The following CERKL variants were observed in gnomAD, a reference collection of about 807,000 sequenced individuals.
The protein encoded by CERKL is ceramide kinase-like protein.
CERKL carries 61 observed loss-of-function variants against 63.4 expected under a neutral mutation model. The ratio of observed to expected loss-of-function variants is 0.96; its 90% confidence interval spans 0.78 to 1.19. CERKL has a LOEUF of 1.19. CERKL is among the 50% of genes most tolerant of loss of function. The probability of loss-of-function intolerance (pLI) is 0.00; values close to 1 mark genes in which losing one functional copy is unlikely to be tolerated. For missense variants in CERKL, 675 were observed against 655.5 expected (o/e 1.03, Z -0.33); for synonymous variants, 250 against 230.5 (o/e 1.08, Z -0.77).
At chr2:181,636,459 T>C (rs1687183416) in intron 1 of CERKL, among the ~76,000 whole-genome samples, 1 of 150,078 alleles carries the variant, frequency 6.7e-6, no homozygotes, top group Non-Finnish European at 1.5e-5. Flanking sequence ...TCCTGCTACC[T>C]AATTTACCAA....
chr2:181,650,111 GAGGAAGGAAGGAAGGAAGGA>G (rs1172629178), intron 1 of CERKL: 6 of 37,450 alleles, frequency 1.6e-4, no homozygotes, highest in African/African-American at 5.8e-4. Context: ...GGGAGGGAGG[GAGGAAGGAAGGAAGGAAGGA>G]AGGAAGGAAG....
rs771621589 is a variant in CERKL, at chr2:181,538,186, A to ACTTTGGAATCATTTCTTC, written c.1579_1596dup (p.Glu527_Lys532dup). On this transcript the variant is annotated inframe_insertion, in exon 13 of 13. Transcript: ENST00000410087. The stretch of plus-strand genomic sequence containing the variant: ...TTTCTTTTAGAAACAATTACATGTT[A>ACTTTGGAATCATTTCTTC]CTTTGGAATCATTTCTTCCATGCTT... The ACTTTGGAATCATTTCTTC allele has an allele frequency of 5.8e-6, 9 of 1,564,542 alleles. No homozygotes were observed. The East Asian group carries it at 2.0e-4, about 35-fold the overall frequency.
At chr2:181,628,121 GGTA>G (rs1686792520) in intron 1 of CERKL, among the ~76,000 whole-genome samples, 1 of 152,078 alleles carries the variant, frequency 6.6e-6, no homozygotes, top group Non-Finnish European at 1.5e-5. Context: ...AGATGACCTT[GGTA>G]GTAATCAGCT....
At chr2:181,580,258 G>T (rs1396070938) in intron 2 of CERKL, among the ~76,000 whole-genome samples, 1 of 151,914 alleles carries the variant, frequency 6.6e-6, no homozygotes, top group Non-Finnish European at 1.5e-5. Flanking sequence ...TAAGATAAGT[G>T]GTGAACAATT....
At chr2:181,648,531 A>C (rs1441938048) in intron 1 of CERKL, among the ~76,000 whole-genome samples, 7 of 152,224 alleles carry the variant, frequency 4.6e-5, no homozygotes, top group Non-Finnish European at 1.0e-4. Context: ...CAGCCTTACA[A>C]GCAATGTTTA....
Position 181,558,788 on chromosome 2 carries a change from A to C in CERKL, c.678-80T>G. The C allele has an allele frequency of 6.9e-7, 1 of 1,448,372 alleles. No homozygotes were observed. Among genetic ancestry groups the C allele is most frequent in the Non-Finnish European group, 9.6e-7 (1 of 1,036,892 alleles). 89.7% of individuals were successfully genotyped at this position (1,448,372 alleles called of 1,614,324 possible). A position where few individuals can be genotyped will look rare whatever the true frequency, so the allele number is the denominator to read the frequency against. The stretch of plus-strand genomic sequence containing the variant: ...AGTCATGAAATCTAGACTTCAAAAT[A>C]GTTTACTAATTTGTAGTCTATGTGC... On this transcript the variant is annotated intron_variant, in intron 4 of 12. Transcript: ENST00000410087. This position sits in a 1 kb window ranked among gnomAD's most constrained non-coding sequence, Gnocchi z 4.2.
chr2:181,567,988 T>A (rs1455619246), intron 3 of CERKL, among the ~76,000 whole-genome samples: 1 of 152,190 alleles, frequency 6.6e-6, no homozygotes, highest in Non-Finnish European at 1.5e-5. Context: ...CCTTTTCCTA[T>A]GAGATTGCCA....
At chr2:181,621,996 C>T (rs1317158821) in intron 1 of CERKL, among the ~76,000 whole-genome samples, 1 of 152,162 alleles carries the variant, frequency 6.6e-6, no homozygotes, top group Non-Finnish European at 1.5e-5. Context: ...GCCCTGATTA[C>T]ATCTAATATG....
At chr2:181,630,822 A>G (rs1686926146) in intron 1 of CERKL, among the ~76,000 whole-genome samples, 1 of 152,216 alleles carries the variant, frequency 6.6e-6, no homozygotes, top group South Asian at 2.1e-4. Context: ...TTTCTACTTT[A>G]GCATCTCTGA....
At chr2:181,548,362 A>G (rs1687827746) in intron 8 of CERKL, 183 bp downstream of exon 8, 2 of 600,416 alleles carry the variant, frequency 3.3e-6, no homozygotes, top group Admixed American at 3.1e-5. Flanking sequence ...AAGGAAGGAA[A>G]AAGAGAAAAA....
At chr2:181,597,304 A>G (rs565173239) in intron 2 of CERKL, among the ~76,000 whole-genome samples, 177 of 152,356 alleles carry the variant, frequency 1.2e-3, no homozygotes, top group African/African-American at 4.1e-3. Context: ...TTTGTTAACA[A>G]TCCTTTAAAG....
chr2:181,603,257 T>C (rs2105892990), intron 2 of CERKL: 1 of 197,832 alleles, frequency 5.1e-6, no homozygotes, highest in East Asian at 1.5e-4. Flanking sequence ...GGAGAATACA[T>C]TCTTATATAG....
intron 1 of CERKL, among the ~76,000 whole-genome samples, chr2:181,622,016 C>A (rs1228255706): frequency 6.6e-6 from 1 of 151,990 alleles, no homozygotes; most frequent in Non-Finnish European, 1.5e-5. Context: ...GCACAGGGTG[C>A]CAACATTATA....
intron 1 of CERKL, among the ~76,000 whole-genome samples, chr2:181,637,142 T>C (rs1367247307): frequency 6.6e-6 from 1 of 152,188 alleles, no homozygotes; most frequent in African/African-American, 2.4e-5. Context: ...AATAAACTCT[T>C]CTGGAGAAAT....
At chr2:181,637,883 C>T (rs1456188508) in intron 1 of CERKL, among the ~76,000 whole-genome samples, 12 of 151,956 alleles carry the variant, frequency 7.9e-5, no homozygotes, top group South Asian at 2.1e-4. Context: ...AATTTGACTA[C>T]ACCTCCCTAG....
intron 2 of CERKL, among the ~76,000 whole-genome samples, chr2:181,593,483 A>C (rs1282254828): frequency 6.6e-6 from 1 of 152,076 alleles, no homozygotes; most frequent in Non-Finnish European, 1.5e-5. Flanking sequence ...TTTATTTTTG[A>C]AAAGATAGAC....
chr2:181,633,668 G>A (rs546494735), intron 1 of CERKL, among the ~76,000 whole-genome samples: 17 of 152,282 alleles, frequency 1.1e-4, no homozygotes, highest in East Asian at 9.6e-4. Context: ...AAGAGAAAGC[G>A]TCGGGCAATG....
chr2:181,598,641 C>A (rs1049712810), intron 2 of CERKL, among the ~76,000 whole-genome samples: 4 of 152,144 alleles, frequency 2.6e-5, no homozygotes, highest in Non-Finnish European at 5.9e-5. Flanking sequence ...AAGCCCACTA[C>A]CAGAAAGGCT....
intron 1 of CERKL, among the ~76,000 whole-genome samples, chr2:181,607,602 T>G (rs1428171389): frequency 6.6e-6 from 1 of 152,206 alleles, no homozygotes; most frequent in African/African-American, 2.4e-5. Flanking sequence ...AGCAAATCAT[T>G]GGTGGTACAC....
Sources: gnomAD v4.1 joint callset for allele counts (sites outside exome capture counted in the v4.1 genomes callset) on GRCh38, gnomAD v4.1.1 for gene constraint, Gnocchi (gnomAD v3.1) non-coding constraint, MANE v1.5 for transcripts, NCBI Gene and HGNC (gene_info 2026-07-23, HGNC 2026-07-21) for gene names.